The following CLPB variants were observed in gnomAD, a reference collection of about 807,000 sequenced individuals.
The protein encoded by CLPB is mitochondrial disaggregase.
A neutral mutation model predicts 78.4 loss-of-function variants in CLPB; 40 were observed. The ratio of observed to expected loss-of-function variants is 0.51; its 90% confidence interval spans 0.40 to 0.66. CLPB has a LOEUF of 0.66. CLPB is among the 30% of genes least tolerant of loss of function. The pLI is 0.00. For missense variants in CLPB, 780 were observed against 886.9 expected (o/e 0.88, Z 1.53); for synonymous variants, 333 against 348.0 (o/e 0.96, Z 0.48).
chr11:72,341,050 G>C (rs1445586448), intron 5 of CLPB, among the ~76,000 whole-genome samples: 1 of 152,114 alleles, frequency 6.6e-6, no homozygotes, highest in African/African-American at 2.4e-5. Context: ...GTCATCTCCT[G>C]ACCTCGTGAT....
intron 3 of CLPB, 146 bp from the exon 4 acceptor site, chr11:72,380,530 G>A: frequency 3.0e-6 from 2 of 657,368 alleles, no homozygotes; most frequent in Admixed American, 2.4e-5. Context: ...CTTTGGGAGT[G>A]TAAAAGACAA....
chr11:72,409,973 T>TAA (rs796942733), intron 2 of CLPB, among the ~76,000 whole-genome samples: 2 of 139,290 alleles, frequency 1.4e-5, no homozygotes, highest in East Asian at 2.1e-4. Context: ...AGACTCCGTA[T>TAA]AAAAAAAAAA....
In CLPB at chr11:72,312,943, C is replaced by A. The variant is rs1949873706; in HGVS notation, c.988+4163G>T. On this transcript the variant is annotated intron_variant, in intron 7 of 15. Transcript: ENST00000538039. This position sits in a 1 kb window ranked among gnomAD's most constrained non-coding sequence, Gnocchi z 4.2. ...TGAAGGGTGAGAGGGAGATTGCCAG[C>A]CACTTGCAGGTATGATGGGACATTC... 6.6e-6 allele frequency among the ~76,000 whole-genome samples: 1 copy of A among 152,114 alleles called. No homozygotes were observed. The highest frequency in any genetic ancestry group is 6.6e-5 in the Admixed American group (1 of 15,262).
intron 4 of CLPB, among the ~76,000 whole-genome samples, chr11:72,376,654 T>TA (rs1854711137): frequency 3.0e-5 from 1 of 33,084 alleles, no homozygotes; most frequent in South Asian, 1.9e-3. Context: ...TTATTATTAT[T>TA]TTTTTTTAAC....
intron 11 of CLPB, among the ~76,000 whole-genome samples, chr11:72,300,340 A>ATGTC (rs1206823108): frequency 6.6e-6 from 1 of 152,154 alleles, no homozygotes; most frequent in Admixed American, 6.5e-5. Context: ...AGCTACTACC[A>ATGTC]TGTCTCCTTT....
At position 72,306,065 on chromosome 11, in the gene CLPB, C is replaced by T. The variant is rs143898825; in HGVS notation, c.1122+1134G>A. 1.4e-3 allele frequency among the ~76,000 whole-genome samples: 217 copies of T among 152,314 alleles called. 1 individual carries two copies. Among genetic ancestry groups the T allele is most frequent in the Admixed American group, 2.6e-3 (39 of 15,292 alleles). Reference sequence around the variant, plus strand: ...AACCTGATGAATTGACTTAAAAATGCTATCTCGGTCGGAGCGCATTAGCAT... The same window carrying T: ...AACCTGATGAATTGACTTAAAAATGTTATCTCGGTCGGAGCGCATTAGCAT... On this transcript the variant is annotated intron_variant, in intron 9 of 15. Coordinates refer to ENST00000538039, the MANE Select transcript of CLPB (RefSeq NM_001258392.3).
At chr11:72,333,921 C>T (rs1950273710) in intron 5 of CLPB, among the ~76,000 whole-genome samples, 1 of 152,022 alleles carries the variant, frequency 6.6e-6, no homozygotes, top group Non-Finnish European at 1.5e-5. Context: ...CCTTTCTTAG[C>T]CTCAAGGGGA....
chr11:72,302,417 G>A, intron 9 of CLPB, 69 bp from the exon 10 acceptor site: 2 of 1,360,332 alleles, frequency 1.5e-6, no homozygotes, highest in Non-Finnish European at 2.1e-6. Flanking sequence ...TTAGGGAGGA[G>A]AGCACCTCAA....
chr11:72,388,521 G>A (rs1440865725), intron 3 of CLPB, among the ~76,000 whole-genome samples: 1 of 152,102 alleles, frequency 6.6e-6, no homozygotes, highest in Non-Finnish European at 1.5e-5. Flanking sequence ...AAAGTGCTAG[G>A]ATTACAGGTG....
chr11:72,387,755 T>C (rs1220988622), intron 3 of CLPB, among the ~76,000 whole-genome samples: 1 of 152,074 alleles, frequency 6.6e-6, no homozygotes, highest in African/African-American at 2.4e-5. Context: ...GGGCACCAGA[T>C]CTATACCTGA....
chr11:72,425,097 CTT>C lies in CLPB; in HGVS notation c.455+5213_455+5214del, dbSNP rs140625439. ...TCTCAAAAACAACAAAAAAGTGTCT[CTT>C]GTTTTTCCCTTTAAAAACACACTTG... On this transcript the variant is annotated intron_variant, in intron 2 of 15. Coordinates refer to ENST00000538039, the MANE Select transcript of CLPB (RefSeq NM_001258392.3). Among the ~76,000 whole-genome samples, 374 of 152,264 alleles carry C rather than the reference CTT, an allele frequency of 2.5e-3. 4 individuals are homozygous for C. The highest frequency in any genetic ancestry group is 8.5e-3 in the African/African-American group (355 of 41,544).
Position 72,380,231 on chromosome 11 carries a change from G to A in CLPB, c.646+50C>T, listed in dbSNP as rs953877058. 11 of 1,404,380 alleles carry A rather than the reference G, an allele frequency of 7.8e-6. No homozygotes were observed. In the Admixed American group the frequency reaches 1.5e-4, roughly 19 times the overall value. The allele number at this position is 1,404,380 out of a possible 1,614,324, so 87.0% of individuals were successfully genotyped here. A position where few individuals can be genotyped will look rare whatever the true frequency, so the allele number is the denominator to read the frequency against. On this transcript the variant is annotated intron_variant, in intron 4 of 15. Coordinates refer to ENST00000538039, the MANE Select transcript of CLPB (RefSeq NM_001258392.3). ...CTGACACCACAGAGCAAGGCTGCAT[G>A]AAAGCCACAAGAGGAGAGCTCTCAG...
At chr11:72,374,019 T>C (rs1391838589) in intron 4 of CLPB, among the ~76,000 whole-genome samples, 1 of 148,878 alleles carries the variant, frequency 6.7e-6, no homozygotes, top group Non-Finnish European at 1.5e-5. Context: ...CTAGAGCTTC[T>C]AAACATTAGA....
chr11:72,365,908 C>T (rs1459789105), intron 4 of CLPB, among the ~76,000 whole-genome samples: 2 of 152,128 alleles, frequency 1.3e-5, no homozygotes, highest in Non-Finnish European at 2.9e-5. Context: ...AAAATCAACT[C>T]AAGATGGATT....
intron 2 of CLPB, among the ~76,000 whole-genome samples, chr11:72,418,250 G>A (rs2135130243): frequency 6.6e-6 from 1 of 152,328 alleles, no homozygotes; most frequent in African/African-American, 2.4e-5. Flanking sequence ...CCAGCCTTGT[G>A]TGACTTACTA....
chr11:72,291,149 A>G lies in CLPB; in HGVS notation c.*2218T>C, dbSNP rs1949445974. 1 of 152,228 alleles carries G rather than the reference A, an allele frequency of 6.6e-6. No homozygotes were observed. The allele number at this position is 152,228 out of a possible 1,614,324, so 9.4% of individuals were successfully genotyped here. ...TCTTCCAAAGTGTCAAGGTCATGAAAGATAAAGACCAAGAAACTGTCACAG... is the reference window on the plus strand; with the variant it reads ...TCTTCCAAAGTGTCAAGGTCATGAAGGATAAAGACCAAGAAACTGTCACAG... On this transcript the variant is annotated 3_prime_UTR_variant, in exon 16 of 16. Transcript: ENST00000538039.
In CLPB at chr11:72,297,636, GGTGTGTGTGTGTGTGTGTGTGTGTGTGT is replaced by G. The variant is rs67807556; in HGVS notation, c.1330-2016_1330-1989del. Among the ~76,000 whole-genome samples, 336 of 93,464 alleles carry G rather than the reference GGTGTGTGTGTGTGTGTGTGTGTGTGTGT, an allele frequency of 3.6e-3. 4 individuals are homozygous for G. The highest frequency in any genetic ancestry group is 5.8e-3 in the Non-Finnish European group (237 of 40,556). The allele number at this position is 93,464 out of a possible 152,430, so 61.3% of individuals were successfully genotyped here. A position where few individuals can be genotyped will look rare whatever the true frequency, so the allele number is the denominator to read the frequency against. ...AGGGCAGTTCTAGTTTTGGGGACCA[GGTGTGTGTGTGTGTGTGTGTGTGTGTGT>G]GTGTGTGTGTGTGTGTGTGTGTGTG... is the stretch of plus-strand genomic sequence containing the variant. On this transcript the variant is annotated intron_variant, in intron 11 of 15. Coordinates refer to ENST00000538039, the MANE Select transcript of CLPB (RefSeq NM_001258392.3).
At position 72,288,131 on chromosome 11, in the gene CLPB, T is replaced by C. The variant is rs754076575; in HGVS notation, c.*5236A>G. On this transcript the variant is annotated 3_prime_UTR_variant, in exon 16 of 16. Coordinates refer to ENST00000538039, the MANE Select transcript of CLPB (RefSeq NM_001258392.3). ...CTACACACCTTTGAGTTTTTCTTTTTGAACAATAAACATGTTACACTTTCA... is the reference window on the plus strand; with the variant it reads ...CTACACACCTTTGAGTTTTTCTTTTCGAACAATAAACATGTTACACTTTCA... 1 of 152,174 alleles carries C rather than the reference T, an allele frequency of 6.6e-6. No individual in the cohort carries two copies. The highest frequency in any genetic ancestry group is 1.9e-4 in the East Asian group (1 of 5,200). 9.4% of individuals were successfully genotyped at this position (152,174 alleles called of 1,614,324 possible).
At chr11:72,352,936 A>C (rs1316471536) in intron 5 of CLPB, 3 of 152,272 alleles carry the variant, frequency 2.0e-5, no homozygotes, top group Non-Finnish European at 4.4e-5. Flanking sequence ...CAGAGCCAGA[A>C]CATCTGATCC....
Sources: gnomAD v4.1 joint callset for allele counts (sites outside exome capture counted in the v4.1 genomes callset) on GRCh38, gnomAD v4.1.1 for gene constraint, Gnocchi (gnomAD v3.1) non-coding constraint, MANE v1.5 for transcripts, NCBI Gene and HGNC (gene_info 2026-07-23, HGNC 2026-07-21) for gene names.